WDSUB1: variants seen among roughly 807,000 people sequenced by gnomAD.
The protein encoded by WDSUB1 is WD repeat, SAM and U-box domain-containing protein 1.
A neutral mutation model predicts 53.9 loss-of-function variants in WDSUB1; 49 were observed. The ratio of observed to expected loss-of-function variants is 0.91; its 90% CI spans 0.72 to 1.15. The LOEUF (loss-of-function observed/expected upper bound fraction) is 1.15. Ranked by LOEUF, WDSUB1 falls within the 50% of genes most tolerant of loss-of-function variation. WDSUB1 has a pLI of 0.00. For synonymous variants in WDSUB1, 194 were observed against 200.6 expected (o/e 0.97, Z 0.28); for missense variants, 514 against 562.0 (o/e 0.91, Z 0.86).
chr2:159,258,125 T>C, intron 6 of WDSUB1, 140 bp from the exon 7 acceptor site: 1 of 726,470 alleles, frequency 1.4e-6, no homozygotes, highest in East Asian at 2.7e-5. Context: ...GAAACTTTAC[T>C]CAATGAATAG....
At chr2:159,263,247 G>A (rs2061263092) in intron 5 of WDSUB1, among the ~76,000 whole-genome samples, 1 of 152,182 alleles carries the variant, frequency 6.6e-6, no homozygotes, top group Admixed American at 6.5e-5. Context: ...ATTATTTCCT[G>A]AGCCCAAGTA....
chr2:159,281,222 T>C (rs2061656850), intron 2 of WDSUB1, among the ~76,000 whole-genome samples: 1 of 152,202 alleles, frequency 6.6e-6, no homozygotes, highest in Non-Finnish European at 1.5e-5. Context: ...TAATGTCATC[T>C]AAAAGTGTTA....
At chr2:159,247,886 A>AATATAT (rs373694392) in intron 10 of WDSUB1, among the ~76,000 whole-genome samples, 22 of 63,748 alleles carry the variant, frequency 3.5e-4, no homozygotes, top group Non-Finnish European at 5.0e-4. Context: ...AAATTAAATA[A>AATATAT]ATATATATAT....
intron 2 of WDSUB1, among the ~76,000 whole-genome samples, chr2:159,280,727 C>T (rs1224455742): frequency 7.0e-6 from 1 of 143,728 alleles, no homozygotes. Context: ...GAAGCAATGG[C>T]GAGGTCTTCA....
chr2:159,282,022 C>A (rs1169449405), intron 2 of WDSUB1, among the ~76,000 whole-genome samples: 1 of 151,658 alleles, frequency 6.6e-6, no homozygotes, highest in Admixed American at 6.6e-5. Flanking sequence ...AAAAATAAAG[C>A]CTAAAATTAC....
intron 2 of WDSUB1, among the ~76,000 whole-genome samples, chr2:159,280,948 G>A (rs2061652088): frequency 6.6e-6 from 1 of 152,096 alleles, no homozygotes; most frequent in Admixed American, 6.6e-5. Context: ...ATGCTATAGA[G>A]CCAGAAGTCA....
chr2:159,247,938 TATATAAA>T (rs2060854150), intron 10 of WDSUB1, among the ~76,000 whole-genome samples: 1 of 85,326 alleles, frequency 1.2e-5, no homozygotes, highest in African/African-American at 1.1e-4. Flanking sequence ...AATATATATA[TATATAAA>T]ATTTGGATTC....
intron 3 of WDSUB1, among the ~76,000 whole-genome samples, chr2:159,277,958 T>C (rs958132871): frequency 2.6e-5 from 4 of 152,274 alleles, no homozygotes; most frequent in African/African-American, 7.2e-5. Context: ...TCACCTAGAA[T>C]TCTCTGCCTG....
rs191279256 is a variant in WDSUB1 at position 159,256,901 on chromosome 2, T to C, written c.953-526A>G. ...TAGTATGGAGTATAAACAAATAACT[T>C]AGAAACCATGGGAGGAGTGGGACAC... On this transcript the variant is annotated intron_variant, in intron 8 of 10. Coordinates refer to ENST00000359774, the MANE Select transcript of WDSUB1 (RefSeq NM_001128212.3). 4.6e-5 allele frequency among the ~76,000 whole-genome samples: 7 copies of C among 152,246 alleles called. No individual in the cohort carries two copies. In the East Asian group the frequency reaches 1.2e-3, roughly 25 times the overall value.
In WDSUB1 at chr2:159,235,836, T is replaced by C. The variant is rs1246743111; in HGVS notation, c.*197A>G. On this transcript the variant is annotated 3_prime_UTR_variant, in exon 11 of 11. Coordinates refer to ENST00000359774, the MANE Select transcript of WDSUB1 (RefSeq NM_001128212.3). ...TTTATTTCTATATAGCTGAAGATTC[T>C]TTTCACTAGTACAAAAAGGCTTTTA... is the stretch of plus-strand genomic sequence containing the variant. 1 of 433,744 alleles carries C rather than the reference T, an allele frequency of 2.3e-6. No individual in the cohort carries two copies. Among genetic ancestry groups the C allele is most frequent in the Non-Finnish European group, 3.9e-6 (1 of 257,994 alleles). The allele number at this position is 433,744 out of a possible 1,614,324, so 26.9% of individuals were successfully genotyped here. A position where few individuals can be genotyped will look rare whatever the true frequency, so the allele number is the denominator to read the frequency against.
At chr2:159,251,276 TAAG>T (rs1303876700) in intron 9 of WDSUB1, among the ~76,000 whole-genome samples, 13 of 151,022 alleles carry the variant, frequency 8.6e-5, no homozygotes, top group Non-Finnish European at 7.4e-5. Context: ...AAAAAAAAAT[TAAG>T]AAAAAGAAAA....
chr2:159,261,140 T>C (rs1282188125), intron 5 of WDSUB1, among the ~76,000 whole-genome samples: 1 of 151,914 alleles, frequency 6.6e-6, no homozygotes, highest in Admixed American at 6.6e-5. Context: ...AAAAACATAA[T>C]AAATTGAAAT....
chr2:159,236,312 C>A, intron 10 of WDSUB1, 122 bp from the exon 11 acceptor site: 1 of 966,088 alleles, frequency 1.0e-6, no homozygotes, highest in Non-Finnish European at 1.5e-6. Flanking sequence ...TTATTCCTGT[C>A]TTGCTTGTAC....
At chr2:159,281,080 G>C (rs913073561) in intron 2 of WDSUB1, among the ~76,000 whole-genome samples, 1 of 152,132 alleles carries the variant, frequency 6.6e-6, no homozygotes, top group Non-Finnish European at 1.5e-5. Context: ...AAAGACCTAA[G>C]CTTAAATGAG....
chr2:159,242,831 T>TAA (rs749371271), intron 10 of WDSUB1, among the ~76,000 whole-genome samples: 4 of 147,876 alleles, frequency 2.7e-5, no homozygotes, highest in Admixed American at 6.6e-5. Context: ...TTTCATAATT[T>TAA]AAAAGTATGA....
intron 10 of WDSUB1, 28 bp downstream of exon 10, chr2:159,248,344 C>CT (rs2060867207): frequency 1.9e-6 from 3 of 1,602,394 alleles, no homozygotes; most frequent in African/African-American, 2.7e-5. Flanking sequence ...AAAACATCCC[C>CT]TGCAACTTAG....
rs779654354 is a variant in WDSUB1, at chr2:159,248,395, A to AT, written c.1249dup (p.Met417AsnfsTer14). 6.2e-7 allele frequency: 1 copy of AT among 1,612,322 alleles called. No homozygotes were observed. The highest frequency in any genetic ancestry group is 1.1e-5 in the South Asian group (1 of 90,832). On this transcript the variant is annotated frameshift_variant, in exon 10 of 11. Transcript: ENST00000359774. LOFTEE classifies it high-confidence loss of function. ...ACCTGATGCGATGACCGGATCTTTC[A>AT]TAAGTTCTCTAGTTATTGGACATAT...
chr2:159,282,220 A>T (rs4665054), intron 2 of WDSUB1, among the ~76,000 whole-genome samples: 86,451 of 151,364 alleles, frequency 0.57, 25,918 homozygotes, highest in African/African-American at 0.71. Flanking sequence ...TGAGACGGAG[A>T]CTCGGTCTGT....
chr2:159,283,111 A>C lies in WDSUB1; in HGVS notation c.-24-18T>G. 6.4e-7 allele frequency: 1 copy of C among 1,557,918 alleles called. No homozygotes were observed. The highest frequency in any genetic ancestry group is 1.4e-5 in the African/African-American group (1 of 73,314). ...AAAACAGCCTGAAATTTTTAAGCAG[A>C]TAAAGATTATTTATTCTAGGAATCA... is the stretch of plus-strand genomic sequence containing the variant. On this transcript the variant is annotated intron_variant, in intron 1 of 10. Coordinates refer to ENST00000359774, the MANE Select transcript of WDSUB1 (RefSeq NM_001128212.3).
Sources: allele counts gnomAD v4.1 joint callset (sites outside exome capture counted in the v4.1 genomes callset), GRCh38; gene constraint gnomAD v4.1.1; transcripts MANE v1.5; gene names NCBI Gene and HGNC (gene_info 2026-07-23, HGNC 2026-07-21).